The following LRP5 variants were observed in gnomAD, a reference collection of about 807,000 sequenced individuals.
LRP5 encodes the protein LDL receptor related protein 5.
Under a neutral mutation model 154.1 loss-of-function variants are expected in LRP5, and 62 were observed. That is an observed-to-expected ratio of 0.40 (90% CI 0.33 to 0.50). The LOEUF (loss-of-function observed/expected upper bound fraction) is 0.50, where lower values mean the gene tolerates loss of function less well. Ranked by LOEUF, LRP5 falls within the 20% of genes least tolerant of loss-of-function variation. LRP5 has a pLI of 0.55. For synonymous variants in LRP5, 966 were observed against 1,011.5 expected (o/e 0.96, Z 0.85); for missense variants, 1,915 against 2,336.7 (o/e 0.82, Z 3.72).
Position 68,348,253 on chromosome 11 carries a change from G to A in LRP5, c.488+10G>A. ...TGGACCCCGCTCACGGGTAAACCCT[G>A]CTGCGACTCCACCTGGGTCCAGGGG... On this transcript the variant is annotated intron_variant, in intron 2 of 22. Coordinates refer to ENST00000294304, the MANE Select transcript of LRP5 (RefSeq NM_002335.4). 6.2e-7 allele frequency: 1 copy of A among 1,602,962 alleles called. No individual in the cohort carries two copies. Among genetic ancestry groups the A allele is most frequent in the Non-Finnish European group, 8.5e-7 (1 of 1,179,974 alleles).
Position 68,353,113 on chromosome 11 carries a change from C to A in LRP5, c.489-4537C>A, listed in dbSNP as rs1404764165. Among the ~76,000 whole-genome samples the A allele has an allele frequency of 6.6e-6, 1 of 152,140 alleles. No individual in the cohort carries two copies. The highest frequency in any genetic ancestry group is 1.5e-5 in the Non-Finnish European group (1 of 68,018). On this transcript the variant is annotated intron_variant, in intron 2 of 22. Coordinates refer to ENST00000294304, the MANE Select transcript of LRP5 (RefSeq NM_002335.4). The surrounding 1 kb of genome is among the most constrained non-coding windows in gnomAD (Gnocchi z 4.5). ...GCTTTGCCTGCATCATCTCTGCGAG[C>A]CAACTGTCCCTGTTTGGCTCTGGCT...
intron 2 of LRP5, among the ~76,000 whole-genome samples, chr11:68,350,978 G>A (rs564425710): frequency 6.6e-6 from 1 of 152,308 alleles, no homozygotes; most frequent in African/African-American, 2.4e-5. Context: ...ATGCGTGTGA[G>A]TGGATATTTG....
chr11:68,316,899 G>A (rs1297524900), intron 1 of LRP5, among the ~76,000 whole-genome samples: 1 of 152,264 alleles, frequency 6.6e-6, no homozygotes, highest in Non-Finnish European at 1.5e-5. Context: ...CCGTGAGACA[G>A]CCGGACATCT....
the LRP5 span, among the ~76,000 whole-genome samples, chr11:68,301,919 C>CACGTGGCCATTTTTTG: frequency 6.6e-6 from 1 of 151,998 alleles, no homozygotes; most frequent in African/African-American, 2.4e-5. Context: ...TGAGCCACCG[C>CACGTGGCCATTTTTTG]TCCCAGCCCA....
At chr11:68,446,717 G>A (rs553168173) in intron 22 of LRP5, among the ~76,000 whole-genome samples, 184 bp downstream of exon 22, 2 of 152,296 alleles carry the variant, frequency 1.3e-5, no homozygotes, top group South Asian at 2.1e-4. Flanking sequence ...CAAGCTCAGC[G>A]GGCACTGCAT....
At chr11:68,367,477 A>AG (rs2098631729) in intron 5 of LRP5, among the ~76,000 whole-genome samples, 1 of 152,150 alleles carries the variant, frequency 6.6e-6, no homozygotes, top group South Asian at 2.1e-4. Context: ...TGCTCCCTGG[A>AG]GGAGGGGGTG....
chr11:68,338,692 G>A (rs2098607064), intron 1 of LRP5, among the ~76,000 whole-genome samples: 1 of 152,126 alleles, frequency 6.6e-6, no homozygotes, highest in African/African-American at 2.4e-5. Flanking sequence ...ATCCCGGATT[G>A]AAGAAAGTGT....
At chr11:68,316,984 C>CCGGGGCTACATCCAGGTCCT (rs1386273034) in intron 1 of LRP5, among the ~76,000 whole-genome samples, 3 of 152,214 alleles carry the variant, frequency 2.0e-5, no homozygotes, top group Non-Finnish European at 4.4e-5. Flanking sequence ...CTGGCGGGAG[C>CCGGGGCTACATCCAGGTCCT]CGGGGCTACA....
intron 16 of LRP5, among the ~76,000 whole-genome samples, chr11:68,427,422 A>G (rs987321969): frequency 6.6e-6 from 1 of 152,136 alleles, no homozygotes; most frequent in African/African-American, 2.4e-5. Context: ...GCTCATGCCT[A>G]TAATCCCAGC....
chr11:68,396,721 A>G (rs1591275550), intron 7 of LRP5, among the ~76,000 whole-genome samples: 1 of 35,354 alleles, frequency 2.8e-5, no homozygotes, highest in Non-Finnish European at 5.9e-5. Context: ...AGCCTGACTG[A>G]CACACACAGG....
Position 68,386,202 on chromosome 11 carries a change from A to C in LRP5, c.1016-114A>C, listed in dbSNP as rs191232088. ...GTCACCTAACATCACCAGCCTTTGCAAGGAGAGCCCTGGGGGCCTGGCTGA... is the reference window on the plus strand; with the variant it reads ...GTCACCTAACATCACCAGCCTTTGCCAGGAGAGCCCTGGGGGCCTGGCTGA... On this transcript the variant is annotated intron_variant, in intron 5 of 22. Transcript: ENST00000294304. This position sits in a 1 kb window ranked among gnomAD's most constrained non-coding sequence, Gnocchi z 7.9. The C allele has an allele frequency of 9.5e-5, 128 of 1,344,178 alleles. No individual in the cohort carries two copies. In the African/African-American group the frequency reaches 1.6e-3, roughly 17 times the overall value. 83.3% of individuals were successfully genotyped at this position (1,344,178 alleles called of 1,614,324 possible).
At chr11:68,342,788 A>C (rs1002704934) in intron 1 of LRP5, among the ~76,000 whole-genome samples, 2 of 152,144 alleles carry the variant, frequency 1.3e-5, no homozygotes, top group African/African-American at 4.8e-5. Flanking sequence ...AAACACCTCC[A>C]TCTCTGGCCT....
chr11:68,397,350 G>A (rs947052071), intron 7 of LRP5, among the ~76,000 whole-genome samples: 1 of 152,126 alleles, frequency 6.6e-6, no homozygotes, highest in African/African-American at 2.4e-5. Context: ...GTGGGTCTCT[G>A]AGGCCCACGC....
intron 9 of LRP5, among the ~76,000 whole-genome samples, chr11:68,409,073 A>AAAATATATATATATATAT (rs2098657548): frequency 2.3e-5 from 1 of 44,180 alleles, no homozygotes; most frequent in African/African-American, 1.3e-4. Flanking sequence ...AAAAAAAAAA[A>AAAATATATATATATATAT]ATATATATAT....
chr11:68,397,372 T>A (rs544582595), intron 7 of LRP5, among the ~76,000 whole-genome samples: 1 of 152,114 alleles, frequency 6.6e-6, no homozygotes, highest in Admixed American at 6.5e-5. Context: ...CCAGTGCCAC[T>A]CTTCCCACCC....
chr11:68,363,225 G>A (rs1262925111), intron 3 of LRP5, among the ~76,000 whole-genome samples: 1 of 152,236 alleles, frequency 6.6e-6, no homozygotes, highest in Non-Finnish European at 1.5e-5. Flanking sequence ...CCCTGGGGGA[G>A]ACTTTGCCAC....
intron 18 of LRP5, among the ~76,000 whole-genome samples, chr11:68,435,959 C>T (rs2098674642): frequency 6.6e-6 from 1 of 152,210 alleles, no homozygotes; most frequent in Non-Finnish European, 1.5e-5. Context: ...CTCCTGGCCT[C>T]AAGTGATCCA....
intron 1 of LRP5, among the ~76,000 whole-genome samples, chr11:68,329,282 G>A (rs1232120740): frequency 6.6e-6 from 1 of 152,204 alleles, no homozygotes; most frequent in Non-Finnish European, 1.5e-5. Context: ...ATCACAGTGT[G>A]CCAGGTGGGC....
At chr11:68,319,536 T>TTA (rs2098595516) in intron 1 of LRP5, among the ~76,000 whole-genome samples, 1 of 142,426 alleles carries the variant, frequency 7.0e-6, no homozygotes, top group Non-Finnish European at 1.6e-5. Flanking sequence ...TATTATTATT[T>TTA]AATTTTATTT....
Sources: gnomAD v4.1 joint callset for allele counts (sites outside exome capture counted in the v4.1 genomes callset) on GRCh38, gnomAD v4.1.1 for gene constraint, Gnocchi (gnomAD v3.1) non-coding constraint, MANE v1.5 for transcripts, NCBI Gene and HGNC (gene_info 2026-07-23, HGNC 2026-07-21) for gene names.